The following SYNE2 variants were observed in gnomAD, a reference collection of about 807,000 sequenced individuals.
SYNE2 encodes the protein nesprin-2.
SYNE2 carries 431 observed loss-of-function variants against 856.3 expected under a neutral mutation model. That is an observed-to-expected ratio of 0.50 (90% CI 0.47 to 0.55). The LOEUF (loss-of-function observed/expected upper bound fraction) is 0.55. Ranked by LOEUF, SYNE2 falls within the 20% of genes least tolerant of loss-of-function variation. The pLI is 0.00. For missense variants in SYNE2, 8,129 were observed against 8,023.2 expected, an observed-to-expected ratio of 1.01 and a Z score of -0.50; for synonymous variants, 2,923 against 2,872.3, an observed-to-expected ratio of 1.02 and a Z score of -0.56.
chr14:63,976,521 T>G (rs766402581), intron 11 of SYNE2, 42 bp from the exon 12 acceptor site: 7 of 1,590,138 alleles, frequency 4.4e-6, no homozygotes, highest in Non-Finnish European at 6.0e-6. Flanking sequence ...ACTAGAAAAG[T>G]TCTACTGAAG....
At position 64,006,504 on chromosome 14, in the gene SYNE2, T is replaced by C. The variant is rs555762856; in HGVS notation, c.4398-539T>C. 3.9e-5 allele frequency among the ~76,000 whole-genome samples: 6 copies of C among 152,286 alleles called. No homozygotes were observed. The East Asian group carries it at 1.2e-3, about 29-fold the overall frequency. ...GTTAATGCTAATGTTTTTGTATATT[T>C]ATTATATTTATTTAAAGCACCAAAT... is the stretch of plus-strand genomic sequence containing the variant. On this transcript the variant is annotated intron_variant, in intron 30 of 115. Coordinates refer to ENST00000555002, the MANE Select transcript of SYNE2 (RefSeq NM_182914.3).
chr14:63,969,169 C>CTTT (rs34436117), intron 11 of SYNE2, among the ~76,000 whole-genome samples: 3 of 128,950 alleles, frequency 2.3e-5, no homozygotes, highest in East Asian at 2.2e-4. Context: ...GAATCTCATT[C>CTTT]TTTTTTTTTT....
At chr14:63,865,968 G>A (rs944714308) in intron 1 of SYNE2, among the ~76,000 whole-genome samples, 7 of 151,764 alleles carry the variant, frequency 4.6e-5, no homozygotes, top group African/African-American at 1.2e-4. Flanking sequence ...CCAATGACTT[G>A]GATTACAAAA....
At chr14:64,037,906 C>T (rs1276810272) in intron 45 of SYNE2, among the ~76,000 whole-genome samples, 2 of 150,574 alleles carry the variant, frequency 1.3e-5, no homozygotes, top group East Asian at 4.0e-4. Flanking sequence ...CCCCCAACCT[C>T]CCTCCCGGAC....
intron 1 of SYNE2, among the ~76,000 whole-genome samples, chr14:63,897,252 CTAAA>C (rs545917971): frequency 3.9e-4 from 60 of 151,912 alleles, no homozygotes; most frequent in East Asian, 5.8e-4. Flanking sequence ...GACCCTATCT[CTAAA>C]TAAATAAATA....
chr14:64,165,315 G>A lies in SYNE2; in HGVS notation c.16510G>A (p.Val5504Ile), dbSNP rs1405152996. ...TCTCTCACAGTTTAAGGATTTTGGA[G>A]TCCGGCTGGAATCTTTAAAAGGTCT... ...FVLSQFKDFG[V>I]RLESLKGLIM... Residue 5504 changes from valine (V) to isoleucine (I), a missense_variant, in exon 90 of 116, where the codon GTC (valine) becomes ATC (isoleucine). Val to Ile is a conservative substitution (Grantham distance 29, BLOSUM62 3). Coordinates refer to ENST00000555002, the MANE Select transcript of SYNE2 (RefSeq NM_182914.3). 2.5e-6 allele frequency: 4 copies of A among 1,613,930 alleles called. No homozygotes were observed. The highest frequency in any genetic ancestry group is 3.3e-5 in the Admixed American group (2 of 60,026).
At chr14:64,141,574 T>C (rs760699761) in intron 81 of SYNE2, 51 bp downstream of exon 81, 7 of 1,568,870 alleles carry the variant, frequency 4.5e-6, no homozygotes, top group Non-Finnish European at 6.1e-6. Flanking sequence ...TGTTAGCTCA[T>C]AACTCTTTTA....
At chr14:63,948,798 A>ATGTGTGTG (rs1566884906) in intron 6 of SYNE2, among the ~76,000 whole-genome samples, 31 of 88,310 alleles carry the variant, frequency 3.5e-4, no homozygotes, top group South Asian at 1.6e-3. Context: ...ATATATATAT[A>ATGTGTGTG]TATATATATA....
chr14:64,207,896 C>T, intron 100 of SYNE2: 1 of 417,322 alleles, frequency 2.4e-6, no homozygotes. Context: ...ATTTGGACAT[C>T]AGGGATGCCT....
At chr14:64,013,071 T>TA (rs974363187) in intron 32 of SYNE2, among the ~76,000 whole-genome samples, 4 of 152,192 alleles carry the variant, frequency 2.6e-5, no homozygotes, top group African/African-American at 9.7e-5. Flanking sequence ...AGTTTGGAAA[T>TA]ATCAAAGTGG....
At chr14:64,070,343 A>T (rs1053734168) in intron 51 of SYNE2, among the ~76,000 whole-genome samples, 1 of 152,184 alleles carries the variant, frequency 6.6e-6, no homozygotes, top group Non-Finnish European at 1.5e-5. Context: ...TCTCAGGAGA[A>T]ATGTTGCTTT....
At chr14:63,882,994 T>G (rs1202350571) in intron 1 of SYNE2, among the ~76,000 whole-genome samples, 1 of 152,058 alleles carries the variant, frequency 6.6e-6, no homozygotes, top group African/African-American at 2.4e-5. Flanking sequence ...CACTCTGTTT[T>G]TTTTTTTTTT....
chr14:63,844,981 A>C (rs993179681), intron 1 of SYNE2, among the ~76,000 whole-genome samples: 5 of 152,240 alleles, frequency 3.3e-5, no homozygotes, highest in Admixed American at 6.5e-5. Context: ...ATAATTCCTC[A>C]TGAAGCCATC....
intron 70 of SYNE2, among the ~76,000 whole-genome samples, 161 bp from the exon 71 acceptor site, chr14:64,124,918 T>G (rs1238591680): frequency 6.6e-6 from 1 of 152,082 alleles, no homozygotes; most frequent in African/African-American, 2.4e-5. Context: ...TAGGAGAATC[T>G]CTTGAACATG....
At chr14:64,078,381 A>G in intron 54 of SYNE2, 85 bp from the exon 55 acceptor site, 1 of 1,583,386 alleles carries the variant, frequency 6.3e-7, no homozygotes, top group South Asian at 1.1e-5. Context: ...GTTAAAACAG[A>G]GTGACTACCA....
chr14:64,056,364 G>T, intron 49 of SYNE2, 98 bp downstream of exon 49: 20 of 1,209,796 alleles, frequency 1.7e-5, no homozygotes, highest in South Asian at 3.2e-5. Context: ...TAAAATATAG[G>T]TTTTTTTCTC....
intron 96 of SYNE2, among the ~76,000 whole-genome samples, chr14:64,177,785 A>T (rs2153733828): frequency 6.6e-6 from 1 of 152,286 alleles, no homozygotes; most frequent in South Asian, 2.1e-4. Context: ...GTGGCCTCTG[A>T]GATTCCTGTA....
intron 49 of SYNE2, among the ~76,000 whole-genome samples, chr14:64,060,138 T>A (rs2153585082): frequency 6.6e-6 from 1 of 151,644 alleles, no homozygotes; most frequent in Middle Eastern, 3.5e-3. Flanking sequence ...TTAGTACTCT[T>A]CCCCACTGTG....
chr14:64,138,949 G>A (rs368434315), intron 79 of SYNE2, among the ~76,000 whole-genome samples: 5,808 of 92,978 alleles, frequency 0.062, 313 homozygotes, highest in African/African-American at 0.21. Context: ...TATGTATGGT[G>A]TGTGTGTGTG....
Sources: gnomAD v4.1 joint callset for allele counts (sites outside exome capture counted in the v4.1 genomes callset) on GRCh38, gnomAD v4.1.1 for gene constraint, MANE v1.5 for transcripts, NCBI Gene and HGNC (gene_info 2026-07-23, HGNC 2026-07-21) for gene names.